PCDH9: variants seen among roughly 807,000 people sequenced by gnomAD.
PCDH9 encodes protocadherin-9.
PCDH9 carries 24 observed loss-of-function variants against 70.6 expected under a neutral mutation model. The observed-to-expected ratio is 0.34, with a 90% CI of 0.25 to 0.48. The LOEUF (loss-of-function observed/expected upper bound fraction) is 0.48, where lower values mean the gene tolerates loss of function less well. Among genes scored for constraint, PCDH9 ranks in the 20% least tolerant of loss-of-function variants. The pLI is 0.99. For missense variants in PCDH9, 1,281 were observed against 1,503.6 expected (o/e 0.85, Z 2.45); for synonymous variants, 562 against 558.5 (o/e 1.01, Z -0.09).
At chr13:67,085,950 A>G (rs2086098906) in intron 2 of PCDH9, among the ~76,000 whole-genome samples, 1 of 152,176 alleles carries the variant, frequency 6.6e-6, no homozygotes, top group Non-Finnish European at 1.5e-5. Context: ...ATTGATCCAA[A>G]AGGACGCCTC....
At chr13:67,050,992 T>C (rs1302384612) in intron 2 of PCDH9, among the ~76,000 whole-genome samples, 4 of 152,194 alleles carry the variant, frequency 2.6e-5, no homozygotes, top group Non-Finnish European at 5.9e-5. Flanking sequence ...GCAATAGATA[T>C]AGATCTTTGG....
chr13:67,080,585 G>T (rs910995770), intron 2 of PCDH9, among the ~76,000 whole-genome samples: 3 of 152,258 alleles, frequency 2.0e-5, no homozygotes, highest in South Asian at 2.1e-4. Flanking sequence ...AGCTGTTAAG[G>T]TTCAATGTGA....
At chr13:67,053,724 T>G (rs1466174782) in intron 2 of PCDH9, among the ~76,000 whole-genome samples, 1 of 152,220 alleles carries the variant, frequency 6.6e-6, no homozygotes, top group Middle Eastern at 3.2e-3. Context: ...GCATTTACAT[T>G]AGGCATATGA....
At chr13:67,194,687 A>C (rs141884662) in intron 2 of PCDH9, among the ~76,000 whole-genome samples, 4 of 152,138 alleles carry the variant, frequency 2.6e-5, no homozygotes, top group Admixed American at 6.6e-5. Context: ...TAAAATTTGC[A>C]GTTTGAAGTT....
chr13:66,687,604 G>C (rs1330449257), intron 3 of PCDH9, among the ~76,000 whole-genome samples: 2 of 151,906 alleles, frequency 1.3e-5, no homozygotes, highest in Non-Finnish European at 1.5e-5. Flanking sequence ...ATATTCTTTT[G>C]ATTTCTAAAA....
chr13:66,779,148 C>G (rs1185758095), intron 3 of PCDH9, among the ~76,000 whole-genome samples: 2 of 150,464 alleles, frequency 1.3e-5, no homozygotes, highest in African/African-American at 2.4e-5. Flanking sequence ...ATCTTTTTCT[C>G]AGTGAGATTG....
chr13:66,768,294 A>G (rs2079751712), intron 3 of PCDH9, among the ~76,000 whole-genome samples: 1 of 152,106 alleles, frequency 6.6e-6, no homozygotes, highest in Non-Finnish European at 1.5e-5. Flanking sequence ...TCATATGATT[A>G]GCCAGGTTTT....
intron 2 of PCDH9, among the ~76,000 whole-genome samples, chr13:66,947,118 G>C (rs948684241): frequency 1.8e-4 from 27 of 152,154 alleles, no homozygotes; most frequent in Non-Finnish European, 2.5e-4. Context: ...AGGTGTAGCT[G>C]GTTGGCATGA....
chr13:66,652,030 T>C (rs948099081), intron 3 of PCDH9, among the ~76,000 whole-genome samples: 2 of 152,072 alleles, frequency 1.3e-5, no homozygotes, highest in Non-Finnish European at 2.9e-5. Context: ...AAACCATATA[T>C]GACAGACCCA....
chr13:66,454,436 C>T (rs559479893), intron 4 of PCDH9, among the ~76,000 whole-genome samples: 1 of 152,266 alleles, frequency 6.6e-6, no homozygotes, highest in South Asian at 2.1e-4. Flanking sequence ...CTACCCAAAA[C>T]AGAAATAAAA....
At chr13:66,638,733 C>T (rs978485259) in intron 3 of PCDH9, among the ~76,000 whole-genome samples, 1 of 152,078 alleles carries the variant, frequency 6.6e-6, no homozygotes, top group Non-Finnish European at 1.5e-5. Context: ...CTGGAATTAA[C>T]GTATGAAATC....
At chr13:66,626,006 T>C (rs1025654875) in intron 4 of PCDH9, among the ~76,000 whole-genome samples, 2 of 152,126 alleles carry the variant, frequency 1.3e-5, no homozygotes, top group African/African-American at 4.8e-5. Flanking sequence ...GAGGATGAGA[T>C]AGGATGGAGA....
chr13:67,004,108 A>G (rs2084300383), intron 2 of PCDH9, among the ~76,000 whole-genome samples: 1 of 152,054 alleles, frequency 6.6e-6, no homozygotes, highest in South Asian at 2.1e-4. Context: ...TTTATTTACT[A>G]GAAGGGATTC....
intron 2 of PCDH9, chr13:67,220,977 T>C (rs151030755): frequency 2.0e-5 from 3 of 152,200 alleles, no homozygotes; most frequent in African/African-American, 7.2e-5. Context: ...AAATCTGTGT[T>C]AATATCCAAG....
intron 2 of PCDH9, among the ~76,000 whole-genome samples, chr13:67,007,881 A>G (rs1346705502): frequency 6.6e-6 from 1 of 152,170 alleles, no homozygotes; most frequent in Non-Finnish European, 1.5e-5. Flanking sequence ...TGAAAAACAT[A>G]AAGTGAAAAT....
intron 3 of PCDH9, among the ~76,000 whole-genome samples, chr13:66,704,333 G>A (rs923006541): frequency 3.3e-5 from 5 of 152,148 alleles, no homozygotes; most frequent in African/African-American, 1.2e-4. Context: ...TGATATATGT[G>A]ACAGACAGTT....
chr13:67,040,828 T>C (rs1258437312), intron 2 of PCDH9, among the ~76,000 whole-genome samples: 1 of 150,986 alleles, frequency 6.6e-6, no homozygotes, highest in Admixed American at 6.6e-5. Flanking sequence ...TAACAATACA[T>C]CAAATTGCAG....
intron 4 of PCDH9, among the ~76,000 whole-genome samples, chr13:66,359,224 A>AT (rs1445687311): frequency 6.6e-6 from 1 of 152,078 alleles, no homozygotes. Flanking sequence ...TTATTGTATT[A>AT]TTTTTTTCAT....
chr13:66,811,449 A>G (rs188164045), intron 3 of PCDH9, among the ~76,000 whole-genome samples: 41 of 152,326 alleles, frequency 2.7e-4, no homozygotes, highest in Non-Finnish European at 4.9e-4. Context: ...TAATACTCCC[A>G]TTCAGCTTCC....
Sources: allele counts gnomAD v4.1 joint callset (sites outside exome capture counted in the v4.1 genomes callset), GRCh38; gene constraint gnomAD v4.1.1; transcripts MANE v1.5; gene names NCBI Gene and HGNC (gene_info 2026-07-23, HGNC 2026-07-21).